Variants in COL1A2 observed in about 807,000 individuals in gnomAD.
COL1A2 encodes the protein collagen type I alpha 2 chain.
In COL1A2, 49 loss-of-function variants were observed where a neutral mutation model predicts 174.3. The observed-to-expected ratio is 0.28, with a 90% CI of 0.22 to 0.36. COL1A2 has a LOEUF of 0.36. Among genes scored for constraint, COL1A2 ranks in the 10% least tolerant of loss-of-function variants. COL1A2 has a pLI of 1.00. For missense variants in COL1A2, 1,438 were observed against 1,822.7 expected, an observed-to-expected ratio of 0.79 and a Z score of 3.84; for synonymous variants, 655 against 606.6, an observed-to-expected ratio of 1.08 and a Z score of -1.17.
chr7:94,397,020 A>C (rs993634546), intron 1 of COL1A2, among the ~76,000 whole-genome samples: 3 of 152,180 alleles, frequency 2.0e-5, no homozygotes, highest in Admixed American at 2.0e-4. Context: ...TTATTTTTCA[A>C]GATCTTTAAT....
At chr7:94,406,583 G>C (rs1232727570) in intron 12 of COL1A2, among the ~76,000 whole-genome samples, 1 of 151,892 alleles carries the variant, frequency 6.6e-6, no homozygotes, top group Non-Finnish European at 1.5e-5. Context: ...TATAATTCCA[G>C]TGTATCTCTG....
Position 94,410,226 on chromosome 7 carries a change from C to G in COL1A2, c.1036-16C>G. 6.2e-7 allele frequency: 1 copy of G among 1,613,170 alleles called. No individual in the cohort carries two copies. Among genetic ancestry groups the G allele is most frequent in the African/African-American group, 1.3e-5 (1 of 74,980 alleles). The stretch of plus-strand genomic sequence containing the variant: ...AAATGTTTGTCCTTTGACCACTGTT[C>G]TGTATTGAACCCTAGGGTGAGCCTG... On this transcript the variant is annotated splice_polypyrimidine_tract_variant and intron_variant, in intron 19 of 51. Transcript: ENST00000297268.
chr7:94,420,147 C>A, intron 34 of COL1A2, 86 bp from the exon 35 acceptor site: 1 of 1,560,340 alleles, frequency 6.4e-7, no homozygotes, highest in Non-Finnish European at 8.8e-7. Context: ...CAGACTCTGT[C>A]TGTCCACCAC....
At chr7:94,417,932 C>G in intron 32 of COL1A2, 101 bp downstream of exon 32, 2 of 918,352 alleles carry the variant, frequency 2.2e-6, no homozygotes, top group Non-Finnish European at 3.5e-6. Context: ...GGTCTGGTAG[C>G]ATTTTCATAT....
In COL1A2 at chr7:94,429,196, T is replaced by C. The variant is rs1354812280; in HGVS notation, c.3720T>C (p.Tyr1240=). The C allele has an allele frequency of 1.9e-6, 3 of 1,612,258 alleles. No individual in the cohort carries two copies. Among genetic ancestry groups the C allele is most frequent in the Admixed American group, 1.7e-5 (1 of 59,920 alleles). The change falls in exon 51 of 52, where the codon TAT becomes TAC. Residue 1240 remains tyrosine, a synonymous_variant. Transcript: ENST00000297268. ...CATCCTATTTTCTGTAGTTTGAATA[T>C]AATGTAGAAGGAGTGACTTCCAAGG... ...ETINAGSQFE[Y]NVEGVTSKEM...
rs769829336 is a variant in COL1A2 at position 94,413,677 on chromosome 7, TA to T, written c.1558-10del. 1 of 1,614,006 alleles carries T rather than the reference TA, an allele frequency of 6.2e-7. No individual in the cohort carries two copies. Reference sequence around the variant, plus strand: ...TGCAGCTAACCATCAGCCTTTCTGTTAAATATTTTTAGGGTGCTCCAGGTCC... The same window carrying T: ...TGCAGCTAACCATCAGCCTTTCTGTTAATATTTTTAGGGTGCTCCAGGTCC... On this transcript the variant is annotated splice_polypyrimidine_tract_variant and intron_variant, in intron 26 of 51. Transcript: ENST00000297268.
intron 31 of COL1A2, chr7:94,417,436 A>C (rs1216914692): frequency 2.3e-5 from 10 of 434,146 alleles, no homozygotes; most frequent in Non-Finnish European, 4.3e-5. Context: ...TCTGCTTCCC[A>C]TTGTCCTATC....
intron 51 of COL1A2, 123 bp from the exon 52 acceptor site, chr7:94,430,124 C>G: frequency 1.0e-6 from 1 of 976,926 alleles, no homozygotes. Context: ...ACTTATTTAT[C>G]TGGGACAGAC....
At chr7:94,423,631 G>A (rs1562906253) in intron 40 of COL1A2, 4 of 171,732 alleles carry the variant, frequency 2.3e-5, no homozygotes. Flanking sequence ...GTTCCCCTCT[G>A]TTGCCCAGGC....
At chr7:94,410,196 T>G in intron 19 of COL1A2, 46 bp from the exon 20 acceptor site, 2 of 1,594,626 alleles carry the variant, frequency 1.3e-6, no homozygotes, top group Non-Finnish European at 1.7e-6. Flanking sequence ...CAAGAGAGTT[T>G]CAACAAATGT....
intron 26 of COL1A2, 61 bp downstream of exon 26, chr7:94,413,197 T>A: frequency 6.8e-7 from 1 of 1,477,752 alleles, no homozygotes. Flanking sequence ...CCACACTTTT[T>A]TTTTTACACC....
chr7:94,408,049 A>T, intron 13 of COL1A2, 134 bp from the exon 14 acceptor site: 1 of 1,189,310 alleles, frequency 8.4e-7, no homozygotes, highest in Middle Eastern at 2.5e-4. Flanking sequence ...ACTACTGTTT[A>T]GTTGGAATTA....
intron 4 of COL1A2, 150 bp downstream of exon 4, chr7:94,399,234 T>C: frequency 1.5e-6 from 1 of 678,920 alleles, no homozygotes; most frequent in Non-Finnish European, 2.5e-6. Context: ...AAGAAGCGAA[T>C]GAGCATTATT....
chr7:94,429,636 A>G (rs929264741), intron 51 of COL1A2: 1 of 551,968 alleles, frequency 1.8e-6, no homozygotes, highest in South Asian at 2.4e-5. Flanking sequence ...AATTCAGATG[A>G]TAAATTCAGA....
intron 33 of COL1A2, 178 bp from the exon 34 acceptor site, chr7:94,419,320 G>A: frequency 1.4e-6 from 1 of 691,938 alleles, no homozygotes. Flanking sequence ...CCTTCTGAGA[G>A]TGGCTTCTAA....
intron 28 of COL1A2, 65 bp downstream of exon 28, chr7:94,414,012 C>A: frequency 6.9e-7 from 1 of 1,445,068 alleles, no homozygotes; most frequent in Non-Finnish European, 9.7e-7. Flanking sequence ...AATCACCATA[C>A]CGTACCTCTC....
In COL1A2 at chr7:94,399,094, T is replaced by G. The variant is rs1276841199; in HGVS notation, c.132+10T>G. 3 of 1,613,448 alleles carry G rather than the reference T, an allele frequency of 1.9e-6. No individual in the cohort carries two copies. The highest frequency in any genetic ancestry group is 2.5e-6 in the Non-Finnish European group (3 of 1,179,456). On this transcript the variant is annotated intron_variant, in intron 4 of 51. Coordinates refer to ENST00000297268, the MANE Select transcript of COL1A2 (RefSeq NM_000089.4). ...ACCACGTGGAGAAAGGGTGTGTAAT[T>G]TTTGAACTATAAAGGGCTTCGTCCC... is the stretch of plus-strand genomic sequence containing the variant.
At chr7:94,404,179 A>G (rs1410222580) in intron 6 of COL1A2, among the ~76,000 whole-genome samples, 1 of 152,240 alleles carries the variant, frequency 6.6e-6, no homozygotes, top group Admixed American at 6.5e-5. Context: ...GGAAGATGAC[A>G]TATGATCAAA....
At chr7:94,407,012 C>A (rs541827629) in intron 12 of COL1A2, among the ~76,000 whole-genome samples, 2 of 152,252 alleles carry the variant, frequency 1.3e-5, no homozygotes, top group African/African-American at 4.8e-5. Flanking sequence ...CTCCCAAGAG[C>A]CCGATATAAC....
Sources: gnomAD v4.1 joint callset for allele counts (sites outside exome capture counted in the v4.1 genomes callset) on GRCh38, gnomAD v4.1.1 for gene constraint, MANE v1.5 for transcripts, NCBI Gene and HGNC (gene_info 2026-07-23, HGNC 2026-07-21) for gene names.